Variants in SOX5 observed in about 807,000 individuals in gnomAD.
SOX5 encodes transcription factor SOX-5.
In SOX5, 9 loss-of-function variants were observed where a neutral mutation model predicts 92.0. That is an observed-to-expected ratio of 0.10 (90% confidence interval 0.06 to 0.17). The LOEUF (loss-of-function observed/expected upper bound fraction) is 0.17, where lower values mean the gene tolerates loss of function less well. Ranked by LOEUF, SOX5 falls within the 10% of genes least tolerant of loss-of-function variation. SOX5 has a pLI of 1.00. For synonymous variants in SOX5, 344 were observed against 336.3 expected (o/e 1.02, Z -0.25); for missense variants, 642 against 944.5 (o/e 0.68, Z 4.20).
At chr12:24,516,689 T>C (rs113907780) in intron 1 of SOX5, among the ~76,000 whole-genome samples, 1,826 of 152,316 alleles carry the variant, frequency 0.012, 43 homozygotes, top group Middle Eastern at 0.044. Flanking sequence ...AATTATATAG[T>C]CTGAGTTACA....
chr12:24,115,168 A>C (rs1372392527), intron 4 of SOX5, among the ~76,000 whole-genome samples: 2 of 152,220 alleles, frequency 1.3e-5, no homozygotes, highest in Admixed American at 6.5e-5. Flanking sequence ...GAAGAACTCA[A>C]TACATAAGAC....
chr12:23,779,630 C>T (rs886225126), intron 3 of SOX5, among the ~76,000 whole-genome samples: 4 of 150,960 alleles, frequency 2.6e-5, no homozygotes, highest in African/African-American at 9.8e-5. Context: ...ATGGTTTGAC[C>T]TAAAGTGCAT....
intron 6 of SOX5, among the ~76,000 whole-genome samples, chr12:23,706,259 A>T (rs960421488): frequency 6.6e-6 from 1 of 152,132 alleles, no homozygotes; most frequent in South Asian, 2.1e-4. Context: ...ATATTCTCTA[A>T]TAACTGGTCC....
At chr12:23,972,239 A>G (rs549341779) in intron 4 of SOX5, among the ~76,000 whole-genome samples, 1 of 152,332 alleles carries the variant, frequency 6.6e-6, no homozygotes, top group African/African-American at 2.4e-5. Context: ...TTTACTTAGG[A>G]GTCAGAAGCT....
chr12:24,362,660 A>C (rs1229263948), intron 2 of SOX5, among the ~76,000 whole-genome samples: 1 of 152,118 alleles, frequency 6.6e-6, no homozygotes, highest in Non-Finnish European at 1.5e-5. Flanking sequence ...TGATGACAGG[A>C]CTCTGTGATC....
chr12:24,183,502 G>T (rs901545367), intron 4 of SOX5, among the ~76,000 whole-genome samples: 1 of 151,982 alleles, frequency 6.6e-6, no homozygotes, highest in African/African-American at 2.4e-5. Flanking sequence ...TTTTCTGAGG[G>T]TTTCCTCAAC....
chr12:24,110,277 G>A (rs1947167326), intron 4 of SOX5, among the ~76,000 whole-genome samples: 1 of 152,148 alleles, frequency 6.6e-6, no homozygotes, highest in Non-Finnish European at 1.5e-5. Context: ...AACCTAATGA[G>A]TTGCTATCAT....
In SOX5 at chr12:23,751,510, T is replaced by A. The variant is rs895875267; in HGVS notation, c.568+4128A>T. On this transcript the variant is annotated intron_variant, in intron 4 of 14. Transcript: ENST00000451604. ...CTATTCTAAGCCTGCTTTTTTCAAATCATCTAATGTTATTTAGACGTAATT... is the reference window on the plus strand; with the variant it reads ...CTATTCTAAGCCTGCTTTTTTCAAAACATCTAATGTTATTTAGACGTAATT... Among the ~76,000 whole-genome samples, 6 of 151,914 alleles carry A rather than the reference T, an allele frequency of 3.9e-5. No individual in the cohort carries two copies. The East Asian group carries it at 7.7e-4, about 20-fold the overall frequency.
chr12:24,021,458 C>A (rs1954276136), intron 4 of SOX5, among the ~76,000 whole-genome samples: 1 of 152,140 alleles, frequency 6.6e-6, no homozygotes, highest in African/African-American at 2.4e-5. Context: ...TACACCACAG[C>A]ATTAACGCTT....
At chr12:24,148,688 TAAAAAAAAAAAAAAAA>T (rs398018872) in intron 4 of SOX5, among the ~76,000 whole-genome samples, 6 of 70,952 alleles carry the variant, frequency 8.5e-5, no homozygotes, top group East Asian at 7.2e-4. Flanking sequence ...CCATCTCTAC[TAAAAAAAAAAAAAAAA>T]AAAAAAAAAA....
chr12:23,611,231 T>A (rs2075906704), intron 8 of SOX5, among the ~76,000 whole-genome samples: 1 of 152,124 alleles, frequency 6.6e-6, no homozygotes, highest in African/African-American at 2.4e-5. Context: ...CACAGGTAAA[T>A]GAGATCACAT....
intron 1 of SOX5, among the ~76,000 whole-genome samples, chr12:24,378,397 C>T (rs1204906716): frequency 6.6e-6 from 1 of 152,146 alleles, no homozygotes; most frequent in Non-Finnish European, 1.5e-5. Context: ...TATAGAAAAA[C>T]ATACATAATT....
rs540377961 is a variant in SOX5 at position 23,585,861 on chromosome 12, C to G, written c.1165-10023G>C. 2.6e-5 allele frequency among the ~76,000 whole-genome samples: 4 copies of G among 152,194 alleles called. No homozygotes were observed. In the South Asian group the frequency reaches 8.3e-4, roughly 32 times the overall value. ...TATCTCCTCTCTTCTCTTTGTCGCC[C>G]CCGTGTGTGGGTGTCATGGCAACGG... On this transcript the variant is annotated intron_variant, in intron 9 of 14. Coordinates refer to ENST00000451604, the MANE Select transcript of SOX5 (RefSeq NM_006940.6).
At chr12:23,795,268 G>T (rs1352884567) in intron 3 of SOX5, among the ~76,000 whole-genome samples, 2 of 148,932 alleles carry the variant, frequency 1.3e-5, no homozygotes, top group Admixed American at 1.3e-4. Flanking sequence ...TTTTACCATT[G>T]ACTTTTTTTT....
chr12:23,613,327 T>C (rs1483316827), intron 8 of SOX5, among the ~76,000 whole-genome samples: 1 of 121,124 alleles, frequency 8.3e-6, no homozygotes, highest in Non-Finnish European at 1.7e-5. Context: ...ACGACTCCTA[T>C]CAAAAGAGAA....
intron 1 of SOX5, chr12:23,920,236 A>C (rs1937752669): frequency 6.6e-6 from 1 of 152,224 alleles, no homozygotes. Context: ...AAGCGATAGA[A>C]AAGAATGTTT....
chr12:23,593,679 AATGAT>A (rs1197273796), intron 9 of SOX5, among the ~76,000 whole-genome samples: 11 of 152,168 alleles, frequency 7.2e-5, no homozygotes, highest in Admixed American at 6.5e-4. Flanking sequence ...TGTTTAAATA[AATGAT>A]ATAATTTTTT....
At chr12:24,316,667 T>C (rs1402164001) in intron 2 of SOX5, among the ~76,000 whole-genome samples, 1 of 152,228 alleles carries the variant, frequency 6.6e-6, no homozygotes, top group African/African-American at 2.4e-5. Context: ...GAAATAGGAC[T>C]GTGCCAACTA....
intron 3 of SOX5, among the ~76,000 whole-genome samples, chr12:24,218,710 CT>C (rs1247711296): frequency 6.6e-6 from 1 of 151,984 alleles, no homozygotes; most frequent in African/African-American, 2.4e-5. Flanking sequence ...GTCTCATTAT[CT>C]TTTTTTAAAA....
Sources: allele counts gnomAD v4.1 joint callset (sites outside exome capture counted in the v4.1 genomes callset), GRCh38; gene constraint gnomAD v4.1.1; transcripts MANE v1.5; gene names NCBI Gene and HGNC (gene_info 2026-07-23, HGNC 2026-07-21).